Variants in LNPEP observed in about 807,000 individuals in gnomAD.
LNPEP encodes the protein leucyl-cystinyl aminopeptidase.
In LNPEP, 64 loss-of-function variants were observed where a neutral mutation model predicts 120.6. The ratio of observed to expected loss-of-function variants is 0.53; its 90% CI spans 0.43 to 0.65. The LOEUF (loss-of-function observed/expected upper bound fraction) is 0.65, where lower values mean the gene tolerates loss of function less well. Among genes scored for constraint, LNPEP ranks in the 30% least tolerant of loss-of-function variants. The probability of loss-of-function intolerance (pLI) is 0.00; values close to 1 mark genes in which losing one functional copy is unlikely to be tolerated. For missense variants in LNPEP, 1,057 were observed against 1,200.0 expected, an observed-to-expected ratio of 0.88 and a Z score of 1.76; for synonymous variants, 435 against 425.4, an observed-to-expected ratio of 1.02 and a Z score of -0.28.
chr5:96,958,229 C>T (rs547023692), intron 1 of LNPEP, among the ~76,000 whole-genome samples: 8 of 152,156 alleles, frequency 5.3e-5, no homozygotes, highest in Non-Finnish European at 8.8e-5. Context: ...TGAAGCGGTC[C>T]GAGTGCAAAA....
intron 1 of LNPEP, among the ~76,000 whole-genome samples, chr5:96,959,758 G>A (rs1466587475): frequency 6.6e-6 from 1 of 152,000 alleles, no homozygotes; most frequent in Non-Finnish European, 1.5e-5. Flanking sequence ...CCAAAGTTGA[G>A]TATCTGAGGA....
chr5:96,988,059 C>T (rs1218207472), intron 4 of LNPEP, among the ~76,000 whole-genome samples: 1 of 152,132 alleles, frequency 6.6e-6, no homozygotes. Context: ...TCTTAATACT[C>T]ATTGGTATAA....
intron 14 of LNPEP, among the ~76,000 whole-genome samples, chr5:97,022,963 T>C (rs1791247583): frequency 6.6e-6 from 1 of 152,034 alleles, no homozygotes; most frequent in African/African-American, 2.4e-5. Flanking sequence ...TTTTTTACTG[T>C]ACAGTTCAGT....
At chr5:96,961,651 C>G (rs577812206) in intron 1 of LNPEP, among the ~76,000 whole-genome samples, 183 of 152,196 alleles carry the variant, frequency 1.2e-3, no homozygotes, top group Non-Finnish European at 8.5e-4. Flanking sequence ...TCCCCTCCCC[C>G]CTACCAAAAT....
intron 2 of LNPEP, among the ~76,000 whole-genome samples, chr5:96,982,107 T>G (rs996768626): frequency 7.9e-5 from 12 of 152,194 alleles, no homozygotes; most frequent in Non-Finnish European, 1.8e-4. Context: ...ATTTTACAGC[T>G]AAGGGAGCAG....
At chr5:96,950,854 C>T (rs892196739) in intron 1 of LNPEP, among the ~76,000 whole-genome samples, 1 of 152,170 alleles carries the variant, frequency 6.6e-6, no homozygotes, top group Non-Finnish European at 1.5e-5. Context: ...TCTCCCTACT[C>T]CTTAGTATAT....
rs1173579568 is a variant in LNPEP at position 96,954,745 on chromosome 5, T to TACAC, written c.19+18573_19+18576dup. ...ATACATATATATATACATATATATA[T>TACAC]ACACATATATATATATATATATATA... On this transcript the variant is annotated intron_variant, in intron 1 of 17. Coordinates refer to ENST00000231368, the MANE Select transcript of LNPEP (RefSeq NM_005575.3). 4.4e-4 allele frequency among the ~76,000 whole-genome samples: 21 copies of TACAC among 47,872 alleles called. 2 individuals are homozygous for TACAC. Among genetic ancestry groups the TACAC allele is most frequent in the South Asian group, 2.8e-3 (5 of 1,770 alleles). The allele number at this position is 47,872 out of a possible 152,430, so 31.4% of individuals were successfully genotyped here. A position where few individuals can be genotyped will look rare whatever the true frequency, so the allele number is the denominator to read the frequency against.
chr5:96,986,192 T>C (rs150840649), intron 3 of LNPEP, among the ~76,000 whole-genome samples: 193 of 152,280 alleles, frequency 1.3e-3, no homozygotes, highest in South Asian at 3.5e-3. Flanking sequence ...TTTGTAGCAG[T>C]AGAGTGGAGC....
chr5:96,999,054 A>G (rs1194836467), intron 8 of LNPEP, among the ~76,000 whole-genome samples: 1 of 152,144 alleles, frequency 6.6e-6, no homozygotes, highest in Non-Finnish European at 1.5e-5. Flanking sequence ...GAAGAGGGAA[A>G]AGAAGAGAAA....
intron 9 of LNPEP, among the ~76,000 whole-genome samples, chr5:97,004,322 G>A (rs1480943102): frequency 6.6e-6 from 1 of 152,104 alleles, no homozygotes; most frequent in Non-Finnish European, 1.5e-5. Flanking sequence ...AGACCAGCCT[G>A]GCCAATATGG....
At chr5:96,984,980 A>T in intron 2 of LNPEP, 100 bp from the exon 3 acceptor site, 1 of 1,266,244 alleles carries the variant, frequency 7.9e-7, no homozygotes, top group South Asian at 1.4e-5. Flanking sequence ...CAGATCCTTT[A>T]GTAACTAGGA....
intron 17 of LNPEP, among the ~76,000 whole-genome samples, chr5:97,028,098 A>C (rs1041339110): frequency 6.6e-6 from 1 of 152,204 alleles, no homozygotes; most frequent in African/African-American, 2.4e-5. Flanking sequence ...GGGTGAATTC[A>C]TAGCACCAAG....
rs989712845 is a variant in LNPEP at position 97,031,538 on chromosome 5, A to G, written c.*3005A>G. 6.6e-6 allele frequency: 1 copy of G among 152,202 alleles called. No homozygotes were observed. The highest frequency in any genetic ancestry group is 1.5e-5 in the Non-Finnish European group (1 of 68,034). 9.4% of individuals were successfully genotyped at this position (152,202 alleles called of 1,614,324 possible). A position where few individuals can be genotyped will look rare whatever the true frequency, so the allele number is the denominator to read the frequency against. ...GACTCCTGGGTGTACAGAGCAAATC[A>G]AGCTGCATCAGTATTATAGGATACC... On this transcript the variant is annotated 3_prime_UTR_variant, in exon 18 of 18. Transcript: ENST00000231368.
chr5:96,966,511 TGTGTG>T (rs1561434377), intron 1 of LNPEP, among the ~76,000 whole-genome samples: 3 of 13,214 alleles, frequency 2.3e-4, no homozygotes, highest in African/African-American at 4.0e-4. Flanking sequence ...CATATATTTG[TGTGTG>T]TGTGTGTGTG....
At chr5:96,976,217 T>G (rs1434947446) in intron 1 of LNPEP, among the ~76,000 whole-genome samples, 1 of 152,152 alleles carries the variant, frequency 6.6e-6, no homozygotes, top group Non-Finnish European at 1.5e-5. Flanking sequence ...CCTGATTTGA[T>G]ATATTTAACT....
chr5:97,009,030 A>T (rs1790862583), intron 11 of LNPEP, among the ~76,000 whole-genome samples: 3 of 151,880 alleles, frequency 2.0e-5, no homozygotes, highest in African/African-American at 7.3e-5. Flanking sequence ...ACTAGCTCAT[A>T]TTTTACTGCT....
chr5:96,963,298 A>G (rs893397804), intron 1 of LNPEP, among the ~76,000 whole-genome samples: 4 of 152,198 alleles, frequency 2.6e-5, no homozygotes, highest in Non-Finnish European at 5.9e-5. Context: ...ATAAAACTTA[A>G]TGGCTTAAGG....
intron 1 of LNPEP, among the ~76,000 whole-genome samples, chr5:96,965,456 C>T (rs1207236011): frequency 2.0e-5 from 3 of 152,086 alleles, no homozygotes; most frequent in Admixed American, 2.0e-4. Context: ...AATTTGGCAG[C>T]AGTGTTATTT....
intron 1 of LNPEP, among the ~76,000 whole-genome samples, chr5:96,967,688 A>T (rs1789762610): frequency 6.6e-6 from 1 of 152,040 alleles, no homozygotes; most frequent in African/African-American, 2.4e-5. Context: ...CAGTGTATGA[A>T]TTTTATCTTA....
Sources: gnomAD v4.1 joint callset for allele counts (sites outside exome capture counted in the v4.1 genomes callset) on GRCh38, gnomAD v4.1.1 for gene constraint, MANE v1.5 for transcripts, NCBI Gene and HGNC (gene_info 2026-07-23, HGNC 2026-07-21) for gene names.